The following CUBN variants were observed in gnomAD, a reference collection of about 807,000 sequenced individuals.
CUBN encodes cubilin.
Under a neutral mutation model 405.3 loss-of-function variants are expected in CUBN, and 282 were observed. The observed-to-expected ratio is 0.70, with a 90% CI of 0.63 to 0.77. CUBN has a LOEUF of 0.77. CUBN is among the 30% of genes least tolerant of loss of function. CUBN has a pLI of 0.00. For missense variants in CUBN, 4,514 were observed against 4,475.2 expected (o/e 1.01, Z -0.25); for synonymous variants, 1,684 against 1,617.0 (o/e 1.04, Z -0.99).
rs891272931 is a variant in CUBN, at chr10:16,962,498, C to T, written c.4696-7950G>A. Among the ~76,000 whole-genome samples, 19 of 152,104 alleles carry T rather than the reference C, an allele frequency of 1.2e-4. 1 individual carries two copies. Among genetic ancestry groups the T allele is most frequent in the African/African-American group, 4.1e-4 (17 of 41,394 alleles). The stretch of plus-strand genomic sequence containing the variant: ...CTGACCCAGCTCTCAGTGAGCCCCA[C>T]GTCCTGGTATTCATGCCTCTGTGTA... On this transcript the variant is annotated intron_variant, in intron 31 of 66. Transcript: ENST00000377833.
At chr10:17,000,355 A>G (rs965557582) in intron 28 of CUBN, among the ~76,000 whole-genome samples, 5 of 152,208 alleles carry the variant, frequency 3.3e-5, no homozygotes, top group Non-Finnish European at 5.9e-5. Context: ...ATGAGTAATA[A>G]AGCAGAAATT....
rs1211324631 is a variant in CUBN, at chr10:16,913,962, C to G, written c.7382G>C (p.Gly2461Ala). The change falls in exon 48 of 67, where the codon GGA becomes GCA. Residue 2461 changes from glycine to alanine, a missense_variant. Physicochemically the swap from Gly to Ala is moderately conservative, Grantham distance 60. Around this residue, in one of 5 missense-constraint regions of CUBN, gnomAD observed 1,613 missense variants for 1,542.8 expected, o/e 1.05. Coordinates refer to ENST00000377833, the MANE Select transcript of CUBN (RefSeq NM_001081.4). ...ECGGDLQGSI[G>A]TFTSPNYPNP... ...CGGGTAGTTGGGAGAAGTAAATGTT[C>G]CAATAGAGCCCTGAAGATCCCCACC... 2.5e-6 allele frequency: 4 copies of G among 1,614,004 alleles called. No homozygotes were observed. The highest frequency in any genetic ancestry group is 2.7e-5 in the African/African-American group (2 of 74,974).
At chr10:16,929,285 T>C (rs992216172) in intron 40 of CUBN, among the ~76,000 whole-genome samples, 4 of 151,998 alleles carry the variant, frequency 2.6e-5, no homozygotes, top group African/African-American at 9.7e-5. Flanking sequence ...ATCTTGATTA[T>C]CTTGGATATA....
intron 61 of CUBN, 133 bp from the exon 62 acceptor site, chr10:16,840,668 G>A (rs1401730975): frequency 4.4e-6 from 4 of 907,850 alleles, no homozygotes; most frequent in Non-Finnish European, 7.1e-6. Flanking sequence ...AGAATTCAGG[G>A]TTTATATCCT....
At position 17,068,740 on chromosome 10, in the gene CUBN, C is replaced by T. The variant is rs138545198; in HGVS notation, c.2656G>A (p.Glu886Lys). 696 of 1,612,330 alleles carry T rather than the reference C, an allele frequency of 4.3e-4. No homozygotes were observed. The African/African-American group carries it at 8.2e-3, about 19-fold the overall frequency. The stretch of plus-strand genomic sequence containing the variant: ...TCTGTACCGCAATACTTTTTATTTT[C>T]AGGAGAACCCAAAATGGAACTGCTA... ...IGSSSILGSP[E>K]NKKYCGTDIP... Residue 886 changes from glutamate (E) to lysine (K), a missense_variant, in exon 20 of 67, where the codon GAA (glutamate) becomes AAA (lysine). Glu to Lys is a moderately conservative substitution (Grantham distance 56). Transcript: ENST00000377833.
chr10:16,899,310 T>C (rs972634414), intron 53 of CUBN, 127 bp from the exon 54 acceptor site: 26 of 770,844 alleles, frequency 3.4e-5, no homozygotes, highest in Non-Finnish European at 5.4e-5. Flanking sequence ...AGTGATCATC[T>C]TCCAGTCAGG....
At chr10:17,006,099 A>G (rs1411087650) in intron 28 of CUBN, among the ~76,000 whole-genome samples, 1 of 152,164 alleles carries the variant, frequency 6.6e-6, no homozygotes, top group Non-Finnish European at 1.5e-5. Flanking sequence ...CCTCCAGGAG[A>G]CAGCACACTT....
At chr10:17,114,297 C>T (rs1836837992) in intron 7 of CUBN, 108 bp from the exon 8 acceptor site, 1 of 1,113,116 alleles carries the variant, frequency 9.0e-7, no homozygotes, top group South Asian at 1.3e-5. Context: ...CGTTCATTTC[C>T]ATAAGGCCAA....
intron 28 of CUBN, among the ~76,000 whole-genome samples, chr10:17,004,511 T>G (rs1833965628): frequency 6.6e-6 from 1 of 152,138 alleles, no homozygotes; most frequent in African/African-American, 2.4e-5. Context: ...CCCCCAAACA[T>G]GGTCTTTATC....
At position 16,918,871 on chromosome 10, in the gene CUBN, ACTTT is replaced by A; in HGVS notation, c.6822-75_6822-72del. ...TATTTTGATAATGACAACCTTACTT[ACTTT>A]CTTTGAAGATATTATTAAATCATCA... is the stretch of plus-strand genomic sequence containing the variant. On this transcript the variant is annotated intron_variant, in intron 44 of 66. Transcript: ENST00000377833. 6 of 1,341,052 alleles carry A rather than the reference ACTTT, an allele frequency of 4.5e-6. No individual in the cohort carries two copies. In the South Asian group the frequency reaches 7.4e-5, roughly 17 times the overall value. 83.1% of individuals were successfully genotyped at this position (1,341,052 alleles called of 1,614,324 possible). A position where few individuals can be genotyped will look rare whatever the true frequency, so the allele number is the denominator to read the frequency against.
Position 17,011,222 on chromosome 10 carries a change from G to T in CUBN, c.4168+8611C>A, listed in dbSNP as rs11254329. On this transcript the variant is annotated intron_variant, in intron 28 of 66. Coordinates refer to ENST00000377833, the MANE Select transcript of CUBN (RefSeq NM_001081.4). The stretch of plus-strand genomic sequence containing the variant: ...AATTTATTCCTTCTGGTGGGTTCTT[G>T]GTCTCGCTGATTTCAAGAATGAAGC... Among the ~76,000 whole-genome samples the T allele has an allele frequency of 1.3e-3, 198 of 152,300 alleles. 4 individuals carry two copies. In the East Asian group the frequency reaches 0.032, roughly 25 times the overall value.
intron 6 of CUBN, among the ~76,000 whole-genome samples, chr10:17,118,219 A>G (rs535149849): frequency 2.0e-5 from 3 of 152,346 alleles, no homozygotes; most frequent in African/African-American, 4.8e-5. Flanking sequence ...AAGAAACTCA[A>G]GTAAACCATA....
At chr10:16,887,305 G>T (rs771843641) in intron 56 of CUBN, among the ~76,000 whole-genome samples, 6 of 152,186 alleles carry the variant, frequency 3.9e-5, no homozygotes, top group Admixed American at 2.0e-4. Flanking sequence ...AGCAATTTAT[G>T]CAATACTTGT....
chr10:16,841,123 G>T, intron 60 of CUBN, 76 bp from the exon 61 acceptor site: 1 of 1,252,662 alleles, frequency 8.0e-7, no homozygotes, highest in Non-Finnish European at 1.2e-6. Context: ...TGGACGCGAA[G>T]TTGCAATAGG....
At chr10:16,930,241 G>C (rs1302059002) in intron 40 of CUBN, among the ~76,000 whole-genome samples, 1 of 152,178 alleles carries the variant, frequency 6.6e-6, no homozygotes, top group East Asian at 1.9e-4. Flanking sequence ...GATTATTCAA[G>C]ACTGACATTT....
chr10:16,900,929 A>G (rs926803273), intron 52 of CUBN, 79 bp from the exon 53 acceptor site: 4 of 987,656 alleles, frequency 4.0e-6, no homozygotes, highest in Non-Finnish European at 3.1e-6. Context: ...AAATCGTTTA[A>G]TTTTGTTTTT....
intron 28 of CUBN, among the ~76,000 whole-genome samples, chr10:16,999,796 A>G (rs987366368): frequency 3.9e-5 from 6 of 152,228 alleles, no homozygotes; most frequent in Non-Finnish European, 7.3e-5. Flanking sequence ...TTATTTTGGT[A>G]CACAGGGCTC....
At chr10:17,025,245 CTCAA>C (rs1420808064) in intron 27 of CUBN, among the ~76,000 whole-genome samples, 14 of 152,264 alleles carry the variant, frequency 9.2e-5, no homozygotes, top group South Asian at 4.1e-4. Flanking sequence ...GAGAACTATA[CTCAA>C]TCAGTTTATA....
chr10:17,109,341 T>C (rs1366871327), intron 10 of CUBN, among the ~76,000 whole-genome samples: 1 of 152,226 alleles, frequency 6.6e-6, no homozygotes, highest in Non-Finnish European at 1.5e-5. Context: ...GAAGAGTCCT[T>C]CAAAAGAAGG....
Sources: gnomAD v4.1 joint callset for allele counts (sites outside exome capture counted in the v4.1 genomes callset) on GRCh38, gnomAD v4.1.1 for gene constraint, gnomAD v4.1.1 regional missense constraint, MANE v1.5 for transcripts, NCBI Gene and HGNC (gene_info 2026-07-23, HGNC 2026-07-21) for gene names.